DGKB: variants seen among roughly 807,000 people sequenced by gnomAD.
DGKB encodes diacylglycerol kinase beta.
A neutral mutation model predicts 114.3 loss-of-function variants in DGKB; 67 were observed. That is an observed-to-expected ratio of 0.59 (90% CI 0.48 to 0.72). The LOEUF is 0.72. Among genes scored for constraint, DGKB ranks in the 30% least tolerant of loss-of-function variants. DGKB has a pLI of 0.00. For synonymous variants in DGKB, 398 were observed against 323.1 expected, an observed-to-expected ratio of 1.23 and a Z score of -2.49; for missense variants, 907 against 975.2, an observed-to-expected ratio of 0.93 and a Z score of 0.93.
At chr7:14,804,670 T>C (rs549382502) in intron 2 of DGKB, among the ~76,000 whole-genome samples, 28 of 152,232 alleles carry the variant, frequency 1.8e-4, no homozygotes, top group African/African-American at 6.7e-4. Context: ...TTTCAAACTA[T>C]TGTTGGTATC....
intron 13 of DGKB, among the ~76,000 whole-genome samples, chr7:14,636,898 T>C (rs1230646605): frequency 6.6e-6 from 1 of 151,954 alleles, no homozygotes; most frequent in East Asian, 1.9e-4. Flanking sequence ...TACAGTAGCA[T>C]ATTTTCTTTA....
At chr7:14,814,723 G>A (rs1843876295) in intron 2 of DGKB, among the ~76,000 whole-genome samples, 1 of 152,026 alleles carries the variant, frequency 6.6e-6, no homozygotes, top group Admixed American at 6.6e-5. Context: ...TATGAAATCT[G>A]ACCAAATATT....
At chr7:14,362,286 G>A (rs1248912415) in intron 21 of DGKB, among the ~76,000 whole-genome samples, 1 of 151,958 alleles carries the variant, frequency 6.6e-6, no homozygotes, top group Non-Finnish European at 1.5e-5. Flanking sequence ...ACATATGCGA[G>A]CAGGACCTCT....
chr7:14,795,138 C>T (rs946223086), intron 2 of DGKB, among the ~76,000 whole-genome samples: 13 of 152,158 alleles, frequency 8.5e-5, no homozygotes, highest in African/African-American at 3.1e-4. Context: ...AAACAAACTA[C>T]TTGAGTTTTT....
chr7:14,332,097 TG>T (rs1365671325), intron 23 of DGKB, among the ~76,000 whole-genome samples: 1 of 152,102 alleles, frequency 6.6e-6, no homozygotes, highest in Non-Finnish European at 1.5e-5. Context: ...TTTGTTTGTT[TG>T]TTTTTTGTTT....
chr7:14,161,946 T>TTA (rs1783963213), intron 25 of DGKB, among the ~76,000 whole-genome samples: 1 of 152,210 alleles, frequency 6.6e-6, no homozygotes, highest in Admixed American at 6.5e-5. Context: ...TATTAAGCAC[T>TTA]TTAAGTTCAA....
chr7:14,188,536 T>C (rs1452556329), intron 23 of DGKB, among the ~76,000 whole-genome samples: 2 of 144,408 alleles, frequency 1.4e-5, no homozygotes, highest in Non-Finnish European at 3.0e-5. Flanking sequence ...GGCGGGCGCC[T>C]GTAGTCCCAG....
intron 20 of DGKB, among the ~76,000 whole-genome samples, chr7:14,566,274 A>G (rs1376980253): frequency 6.6e-6 from 1 of 152,160 alleles, no homozygotes; most frequent in Non-Finnish European, 1.5e-5. Context: ...ATATGGCTTC[A>G]CAAGTGTCTT....
intron 21 of DGKB, among the ~76,000 whole-genome samples, chr7:14,422,108 A>G (rs1002222329): frequency 6.6e-6 from 1 of 151,974 alleles, no homozygotes; most frequent in East Asian, 1.9e-4. Context: ...TCCTTTATCA[A>G]TTTGCTGAAT....
At chr7:14,741,134 G>C (rs73682522) in intron 4 of DGKB, among the ~76,000 whole-genome samples, 1 of 152,006 alleles carries the variant, frequency 6.6e-6, no homozygotes, top group Non-Finnish European at 1.5e-5. Flanking sequence ...CACTCCTCTC[G>C]GATGCATCCT....
rs1259840583 is a variant in DGKB, at chr7:14,283,295, C to T, written c.2122+55220G>A. ...TAAAGAGAATAAAATACCTAGGAAT[C>T]CAACTTACAAGGGATGTGAAGGACC... On this transcript the variant is annotated intron_variant, in intron 23 of 25. Coordinates refer to ENST00000402815, the MANE Select transcript of DGKB (RefSeq NM_001350709.2). Among the ~76,000 whole-genome samples the T allele has an allele frequency of 2.0e-5, 3 of 151,316 alleles. No individual in the cohort carries two copies. In the East Asian group the frequency reaches 5.8e-4, roughly 29 times the overall value.
intron 21 of DGKB, among the ~76,000 whole-genome samples, chr7:14,400,667 A>G (rs1438340510): frequency 6.6e-6 from 1 of 151,230 alleles, no homozygotes; most frequent in African/African-American, 2.4e-5. Context: ...TAATGCAGCT[A>G]TTTCCTTTGA....
chr7:14,647,939 G>A (rs1034755329), intron 13 of DGKB, among the ~76,000 whole-genome samples: 2 of 152,216 alleles, frequency 1.3e-5, no homozygotes, highest in Non-Finnish European at 2.9e-5. Flanking sequence ...TTTCTGACGG[G>A]CTTAAAAAAT....
chr7:14,175,736 C>G (rs972665493), intron 25 of DGKB, among the ~76,000 whole-genome samples: 1 of 152,114 alleles, frequency 6.6e-6, no homozygotes, highest in African/African-American at 2.4e-5. Flanking sequence ...TGTTCTCTGT[C>G]TACCTTTTCT....
chr7:14,604,871 C>G (rs1477020214), intron 17 of DGKB, among the ~76,000 whole-genome samples: 3 of 152,102 alleles, frequency 2.0e-5, no homozygotes, highest in Non-Finnish European at 4.4e-5. Context: ...GACTAGCTCT[C>G]TAACAGAAGT....
intron 20 of DGKB, among the ~76,000 whole-genome samples, chr7:14,524,865 G>T (rs1232788788): frequency 6.6e-6 from 1 of 151,882 alleles, no homozygotes; most frequent in African/African-American, 2.4e-5. Context: ...ATGAAAGATG[G>T]TCATATATCA....
At chr7:14,610,130 T>C (rs1805259076) in intron 16 of DGKB, among the ~76,000 whole-genome samples, 1 of 152,100 alleles carries the variant, frequency 6.6e-6, no homozygotes, top group Non-Finnish European at 1.5e-5. Flanking sequence ...TAGGTATCCA[T>C]CAATGCTGGG....
At chr7:14,882,891 T>G (rs1218641371) in intron 1 of DGKB, among the ~76,000 whole-genome samples, 1 of 152,008 alleles carries the variant, frequency 6.6e-6, no homozygotes, top group African/African-American at 2.4e-5. Flanking sequence ...GATGGACACT[T>G]AGGTTGATAT....
At chr7:14,529,304 A>G (rs914039605) in intron 20 of DGKB, among the ~76,000 whole-genome samples, 1 of 151,914 alleles carries the variant, frequency 6.6e-6, no homozygotes, top group African/African-American at 2.4e-5. Context: ...GTTTGGAGAA[A>G]CTATGGCTTA....
Sources: allele counts gnomAD v4.1 joint callset (sites outside exome capture counted in the v4.1 genomes callset), GRCh38; gene constraint gnomAD v4.1.1; transcripts MANE v1.5; gene names NCBI Gene and HGNC (gene_info 2026-07-23, HGNC 2026-07-21).